TTN: variants seen among roughly 807,000 people sequenced by gnomAD.
TTN encodes the protein titin.
A neutral mutation model predicts 3,223.0 loss-of-function variants in TTN; 1,525 were observed. That is an observed-to-expected ratio of 0.47 (90% CI 0.45 to 0.49). TTN has a LOEUF of 0.49. Among genes scored for constraint, TTN ranks in the 20% least tolerant of loss-of-function variants. The pLI is 0.00. For synonymous variants in TTN, 14,094 were observed against 15,161.0 expected, an observed-to-expected ratio of 0.93 and a Z score of 5.17; for missense variants, 40,786 against 43,424.0, an observed-to-expected ratio of 0.94 and a Z score of 5.40.
chr2:178,535,774 C>T lies in TTN; in HGVS notation c.100841G>A (p.Ser33614Asn), dbSNP rs879230745. The change falls in exon 358 of 363, where the codon AGC (serine) becomes AAC (asparagine). Residue 33614 changes from serine (S) to asparagine (N), a missense_variant. Physicochemically the swap from Ser to Asn is conservative, Grantham distance 46 (BLOSUM62 1). Transcript: ENST00000589042. ...TTTGCCACTGAAAGGAATCTTGATG[C>T]TGACCACTTCACCTCGGAGAGCATG... ...AVHALRGEVVSIKIPFSGKPD... is the reference protein window; with the variant it reads ...AVHALRGEVVNIKIPFSGKPD... The T allele has an allele frequency of 2.5e-6, 4 of 1,612,836 alleles. No individual in the cohort carries two copies. Among genetic ancestry groups the T allele is most frequent in the Non-Finnish European group, 3.4e-6 (4 of 1,179,668 alleles).
At position 178,530,459 on chromosome 2, in the gene TTN, C is replaced by A. The variant is rs774808070; in HGVS notation, c.106156G>T (p.Val35386Leu). 5.0e-6 allele frequency: 8 copies of A among 1,613,794 alleles called. No individual in the cohort carries two copies. Among genetic ancestry groups the A allele is most frequent in the Non-Finnish European group, 6.8e-6 (8 of 1,179,864 alleles). Residue 35386 changes from valine to leucine, a missense_variant, in exon 358 of 363, where the codon GTA becomes TTA. Val to Leu is a conservative substitution (Grantham distance 32). Coordinates refer to ENST00000589042, the MANE Select transcript of TTN (RefSeq NM_001267550.2). ...TTCTTAGTTTCTGATATTTTTGATA[C>A]CTTCTCATGGATACTCTTAAAGGCT... The part of the protein sequence containing the change: ...GQAFKSIHEK[V>L]SKISETKKSD...
At chr2:178,797,968 T>C (rs892012959) in intron 6 of TTN, among the ~76,000 whole-genome samples, 19 of 152,206 alleles carry the variant, frequency 1.2e-4, no homozygotes, top group African/African-American at 4.6e-4. Context: ...TCCAGATGGA[T>C]AGCTAATTGG....
In TTN at chr2:178,557,153, A is replaced by G. The variant is rs1575578524; in HGVS notation, c.88010-9T>C. The G allele has an allele frequency of 6.2e-7, 1 of 1,613,216 alleles. No homozygotes were observed. Among genetic ancestry groups the G allele is most frequent in the East Asian group, 2.2e-5 (1 of 44,748 alleles). ...AACATTTCTTGGGGGTTCTGTGGTA[A>G]TAAGAGAAGCAGATTAGCGGCACTT... On this transcript the variant is annotated splice_polypyrimidine_tract_variant and intron_variant, in intron 329 of 362. Transcript: ENST00000589042.
chr2:178,765,180 C>G (rs918762789), intron 41 of TTN, among the ~76,000 whole-genome samples: 1 of 152,064 alleles, frequency 6.6e-6, no homozygotes, highest in Non-Finnish European at 1.5e-5. Context: ...TTCATTTGGA[C>G]AAATCATGTG....
In TTN at chr2:178,588,052, A is replaced by T; in HGVS notation, c.63355T>A (p.Cys21119Ser). The T allele has an allele frequency of 6.2e-7, 1 of 1,612,944 alleles. No homozygotes were observed. The highest frequency in any genetic ancestry group is 8.5e-7 in the Non-Finnish European group (1 of 1,179,350). ...DASPDEGWKR[C>S]NAAAQLVRKE... ...CGTACAAGCTGTGCTGCAGCATTAC[A>T]CCGTTTCCAGCCTTCATCAGGAGAC... The change falls in exon 305 of 363, where the codon TGT becomes AGT. Residue 21119 changes from cysteine (C) to serine (S), a missense_variant. By Grantham distance (112) the Cys-to-Ser change is moderately radical. Coordinates refer to ENST00000589042, the MANE Select transcript of TTN (RefSeq NM_001267550.2).
chr2:178,662,420 T>A lies in TTN; in HGVS notation c.36959-2A>T, dbSNP rs1387645315. On this transcript the variant is annotated splice_acceptor_variant, in intron 176 of 362. Coordinates refer to ENST00000589042, the MANE Select transcript of TTN (RefSeq NM_001267550.2). LOFTEE classifies it high-confidence loss of function. ...TGGCTTCTTGAGGAACTTCTGGCAC[T>A]TGAAAGATATTAGTAGTTTTATACT... 26 of 1,465,356 alleles carry A rather than the reference T, an allele frequency of 1.8e-5. 4 individuals carry two copies. Among genetic ancestry groups the A allele is most frequent in the Non-Finnish European group, 2.2e-5 (25 of 1,119,692 alleles). The allele number at this position is 1,465,356 out of a possible 1,614,324, so 90.8% of individuals were successfully genotyped here.
In TTN at chr2:178,675,007, T is replaced by C. The variant is rs777340337; in HGVS notation, c.34612+32A>G. 2.7e-5 allele frequency: 36 copies of C among 1,354,834 alleles called. No individual in the cohort carries two copies. The South Asian group carries it at 4.5e-4, about 17-fold the overall frequency. 83.9% of individuals were successfully genotyped at this position (1,354,834 alleles called of 1,614,324 possible). Reference sequence around the variant, plus strand: ...AGACAATAATAAGACAAGGATGACTTTGAAATGTTATTTTCTTAGAAAGTT... The same window carrying C: ...AGACAATAATAAGACAAGGATGACTCTGAAATGTTATTTTCTTAGAAAGTT... On this transcript the variant is annotated intron_variant, in intron 150 of 362. Transcript: ENST00000589042.
chr2:178,601,595 G>C (rs761458074), intron 286 of TTN, 31 bp from the exon 287 acceptor site: 1 of 1,591,382 alleles, frequency 6.3e-7, no homozygotes, highest in Non-Finnish European at 8.5e-7. Flanking sequence ...TATAAGCAAC[G>C]TTCCTTAAAT....
At position 178,576,427 on chromosome 2, in the gene TTN, A is replaced by G. The variant is rs1575816954; in HGVS notation, c.69716-11T>C. The G allele has an allele frequency of 6.3e-7, 1 of 1,577,680 alleles. No homozygotes were observed. On this transcript the variant is annotated splice_polypyrimidine_tract_variant and intron_variant, in intron 325 of 362. Coordinates refer to ENST00000589042, the MANE Select transcript of TTN (RefSeq NM_001267550.2). The surrounding 1 kb of genome is among the most constrained non-coding windows in gnomAD (Gnocchi z 4.3). ...GTGGTCCTGGAGGATCTGAGAAAGA[A>G]ACAAAGACACAAAAGTATATATTCA...
intron 43 of TTN, among the ~76,000 whole-genome samples, chr2:178,762,077 AC>A (rs2089368307): frequency 6.6e-6 from 1 of 152,020 alleles, no homozygotes; most frequent in Admixed American, 6.6e-5. Context: ...AAGTATTACA[AC>A]CCCCAAGAAC....
At chr2:178,782,696 G>A in intron 18 of TTN, 94 bp from the exon 19 acceptor site, 1 of 1,604,306 alleles carries the variant, frequency 6.2e-7, no homozygotes, top group Non-Finnish European at 8.5e-7. Flanking sequence ...CTCCCCCCAA[G>A]TTCCAAAAAG....
chr2:178,598,365 G>C (rs1008144205), intron 292 of TTN, 141 bp downstream of exon 292: 8 of 1,063,454 alleles, frequency 7.5e-6, no homozygotes, highest in Non-Finnish European at 9.3e-6. Context: ...ATTAACAGAT[G>C]TTTGGAATGT....
chr2:178,732,890 C>T lies in TTN; in HGVS notation c.16286G>A (p.Cys5429Tyr). The change falls in exon 55 of 363, where the codon TGT (cysteine) becomes TAT (tyrosine). Residue 5429 changes from cysteine to tyrosine, a missense_variant. By Grantham distance (194) the Cys-to-Tyr change is radical. Coordinates refer to ENST00000589042, the MANE Select transcript of TTN (RefSeq NM_001267550.2). ...GCTTCCCACGGAATTTGTGGCTCGA[C>T]AAGTGAAATTCCCTGCATCATTCAT... ...VDMNDAGNFT[C>Y]RATNSVGSKD... The T allele has an allele frequency of 6.2e-7, 1 of 1,613,298 alleles. No individual in the cohort carries two copies. The highest frequency in any genetic ancestry group is 8.5e-7 in the Non-Finnish European group (1 of 1,179,614).
At chr2:178,707,197 T>C (rs1464519276) in intron 100 of TTN, among the ~76,000 whole-genome samples, 1 of 152,210 alleles carries the variant, frequency 6.6e-6, no homozygotes, top group Non-Finnish European at 1.5e-5. Flanking sequence ...CTTGGTTTTA[T>C]TTTTTCCAGG....
chr2:178,771,541 G>A, intron 33 of TTN, 70 bp from the exon 34 acceptor site: 1 of 1,587,056 alleles, frequency 6.3e-7, no homozygotes. Context: ...CTTTGCAGAA[G>A]TAAATATAAA....
At chr2:178,553,872 A>G in intron 333 of TTN, 42 bp downstream of exon 333, 1 of 1,564,228 alleles carries the variant, frequency 6.4e-7, no homozygotes, top group Non-Finnish European at 8.6e-7. Context: ...ACAGGTGAAT[A>G]TAGAAGACAC....
chr2:178,528,828 A>T lies in TTN; in HGVS notation c.106923T>A (p.Asn35641Lys). The T allele has an allele frequency of 2.5e-6, 4 of 1,613,982 alleles. No homozygotes were observed. The highest frequency in any genetic ancestry group is 2.2e-5 in the East Asian group (1 of 44,882). ...CCTCAGAGTTGGTAAGCTCTACGCCATTCAGTACCCATTTCACATCAGTGG... is the reference window on the plus strand; with the variant it reads ...CCTCAGAGTTGGTAAGCTCTACGCCTTTCAGTACCCATTTCACATCAGTGG... ...AGATDVKWVL[N>K]GVELTNSEEY... Residue 35641 changes from asparagine (N) to lysine (K), a missense_variant, in exon 360 of 363, where the codon AAT becomes AAA. Asn to Lys is a moderately conservative substitution (Grantham distance 94). Transcript: ENST00000589042.
chr2:178,685,631 TAC>T (rs1415507216), intron 127 of TTN, 33 bp from the exon 128 acceptor site: 45 of 1,594,306 alleles, frequency 2.8e-5, no homozygotes, highest in Non-Finnish European at 3.6e-5. Flanking sequence ...GAAGATAAAT[TAC>T]AGTGTTTTTC....
In TTN at chr2:178,696,525, C is replaced by T. The variant is rs571884174; in HGVS notation, c.30803-256G>A. Among the ~76,000 whole-genome samples the T allele has an allele frequency of 1.3e-4, 19 of 151,768 alleles. 1 individual carries two copies. The East Asian group carries it at 3.5e-3, about 28-fold the overall frequency. ...CAATAAATATTATCAAATGGACACACCTTCTATTATTCCATGAGAGCTCCA... is the reference window on the plus strand; with the variant it reads ...CAATAAATATTATCAAATGGACACATCTTCTATTATTCCATGAGAGCTCCA... On this transcript the variant is annotated intron_variant, in intron 113 of 362. Transcript: ENST00000589042.
Sources: gnomAD v4.1 joint callset for allele counts (sites outside exome capture counted in the v4.1 genomes callset) on GRCh38, gnomAD v4.1.1 for gene constraint, Gnocchi (gnomAD v3.1) non-coding constraint, MANE v1.5 for transcripts, NCBI Gene and HGNC (gene_info 2026-07-23, HGNC 2026-07-21) for gene names.